Variants in ADCY1 observed in about 807,000 individuals in gnomAD.
ADCY1 encodes the protein adenylate cyclase type 1.
ADCY1 carries 28 observed loss-of-function variants against 105.4 expected under a neutral mutation model. The observed-to-expected ratio is 0.27, with a 90% CI of 0.20 to 0.36. The LOEUF is 0.36. Among genes scored for constraint, ADCY1 ranks in the 10% least tolerant of loss-of-function variants. The pLI is 1.00. For missense variants in ADCY1, 977 were observed against 1,434.2 expected (o/e 0.68, Z 5.15); for synonymous variants, 655 against 623.8 (o/e 1.05, Z -0.75).
chr7:45,682,418 G>A (rs1465573750), intron 11 of ADCY1, among the ~76,000 whole-genome samples: 2 of 152,120 alleles, frequency 1.3e-5, no homozygotes, highest in African/African-American at 2.4e-5. Context: ...CATCAGGAGC[G>A]GGCAGAGGAG....
chr7:45,648,909 G>A, intron 5 of ADCY1, 112 bp downstream of exon 5: 1 of 1,292,620 alleles, frequency 7.7e-7, no homozygotes. Context: ...GTCTCGCTTT[G>A]TCCTGATGGG....
rs1483102795 is a variant in ADCY1 at position 45,688,414 on chromosome 7, T to C, written c.2454+1741T>C. On this transcript the variant is annotated intron_variant, in intron 14 of 19. Coordinates refer to ENST00000297323, the MANE Select transcript of ADCY1 (RefSeq NM_021116.4). ...TGAGCCATTTTTGGGGGGATCTCTT[T>C]CTGGGAGGGAGGGTTAGAGTAGGGT... Among the ~76,000 whole-genome samples, 2 of 152,210 alleles carry C rather than the reference T, an allele frequency of 1.3e-5. 1 individual carries two copies. The highest frequency in any genetic ancestry group is 4.8e-5 in the African/African-American group (2 of 41,448).
Position 45,660,801 on chromosome 7 carries a change from C to T in ADCY1, c.1449+618C>T, listed in dbSNP as rs562544741. On this transcript the variant is annotated intron_variant, in intron 7 of 19. Coordinates refer to ENST00000297323, the MANE Select transcript of ADCY1 (RefSeq NM_021116.4). ...AGGGCTCAGGTGAGGGTGCAGGGCT[C>T]AGGTGAGGGATTCAGGGCTCAGGTG... 2.2e-4 allele frequency among the ~76,000 whole-genome samples: 29 copies of T among 134,196 alleles called. 1 individual carries two copies. Among genetic ancestry groups the T allele is most frequent in the Admixed American group, 2.0e-3 (27 of 13,376 alleles). The allele number at this position is 134,196 out of a possible 152,430, so 88.0% of individuals were successfully genotyped here.
intron 8 of ADCY1, among the ~76,000 whole-genome samples, chr7:45,663,630 C>T (rs1485269504): frequency 1.3e-5 from 2 of 152,124 alleles, no homozygotes; most frequent in Admixed American, 1.3e-4. Flanking sequence ...ACCAGCCTGA[C>T]CAACATGATG....
At chr7:45,681,260 G>C (rs1391634121) in intron 11 of ADCY1, among the ~76,000 whole-genome samples, 1 of 152,176 alleles carries the variant, frequency 6.6e-6, no homozygotes, top group East Asian at 1.9e-4. Flanking sequence ...TCATGGCTGG[G>C]AACTTTGGCC....
intron 1 of ADCY1, among the ~76,000 whole-genome samples, chr7:45,589,278 C>G (rs1792831166): frequency 6.6e-6 from 1 of 152,162 alleles, no homozygotes; most frequent in Non-Finnish European, 1.5e-5. Context: ...GCATGTGGCT[C>G]TGGGCCACCT....
intron 11 of ADCY1, among the ~76,000 whole-genome samples, chr7:45,681,095 T>C (rs763588512): frequency 6.6e-6 from 1 of 152,164 alleles, no homozygotes; most frequent in Non-Finnish European, 1.5e-5. Flanking sequence ...GATGTGCTCA[T>C]GAAACCAGGA....
intron 3 of ADCY1, among the ~76,000 whole-genome samples, chr7:45,620,879 T>C (rs1299280940): frequency 3.3e-5 from 5 of 152,170 alleles, no homozygotes; most frequent in Admixed American, 6.5e-5. Flanking sequence ...CTTCTCCCAG[T>C]GTCTGTGTGC....
chr7:45,666,731 T>G (rs1458654043), intron 8 of ADCY1, among the ~76,000 whole-genome samples: 2 of 152,238 alleles, frequency 1.3e-5, no homozygotes, highest in African/African-American at 4.8e-5. Context: ...TGAACCAGTT[T>G]ACAGTCCCAC....
At chr7:45,652,875 G>A (rs987439566) in intron 5 of ADCY1, among the ~76,000 whole-genome samples, 1 of 152,200 alleles carries the variant, frequency 6.6e-6, no homozygotes, top group African/African-American at 2.4e-5. Flanking sequence ...GGGAGCCACA[G>A]CATCCAAAGG....
chr7:45,650,267 A>G (rs1210953337), intron 5 of ADCY1, among the ~76,000 whole-genome samples: 1 of 152,158 alleles, frequency 6.6e-6, no homozygotes, highest in Non-Finnish European at 1.5e-5. Context: ...TATATATCAC[A>G]CGTCATATAA....
chr7:45,626,118 A>G (rs1450991139), intron 4 of ADCY1, among the ~76,000 whole-genome samples: 1 of 152,178 alleles, frequency 6.6e-6, no homozygotes, highest in Non-Finnish European at 1.5e-5. Flanking sequence ...TAAATATTTC[A>G]GGCTCTGTGG....
chr7:45,609,879 A>G (rs1793484918), intron 2 of ADCY1, among the ~76,000 whole-genome samples: 1 of 152,216 alleles, frequency 6.6e-6, no homozygotes, highest in African/African-American at 2.4e-5. Context: ...TGCTTGACCT[A>G]CACAGCTAAG....
intron 5 of ADCY1, among the ~76,000 whole-genome samples, chr7:45,651,467 C>T (rs1388362019): frequency 1.3e-5 from 2 of 152,166 alleles, no homozygotes; most frequent in Non-Finnish European, 2.9e-5. Context: ...CTTTCTCTTC[C>T]TCCTACCTTG....
At chr7:45,638,991 G>A (rs1794468712) in intron 4 of ADCY1, among the ~76,000 whole-genome samples, 1 of 151,892 alleles carries the variant, frequency 6.6e-6, no homozygotes. Flanking sequence ...AGGACCACAT[G>A]GGATGTGTGT....
intron 8 of ADCY1, among the ~76,000 whole-genome samples, chr7:45,676,967 A>C (rs1784467923): frequency 6.6e-6 from 1 of 151,062 alleles, no homozygotes; most frequent in Admixed American, 6.6e-5. Flanking sequence ...GGGCTTTAAA[A>C]AAGTTGATCT....
rs187900939 is a variant in ADCY1 at position 45,649,290 on chromosome 7, C to T, written c.1148+493C>T. On this transcript the variant is annotated intron_variant, in intron 5 of 19. Coordinates refer to ENST00000297323, the MANE Select transcript of ADCY1 (RefSeq NM_021116.4). ...TGGAATGAATATTACACCTGTGAGG[C>T]CAGGCCTGCCCATTTCTTGGTCAGT... 1.2e-3 allele frequency among the ~76,000 whole-genome samples: 179 copies of T among 152,262 alleles called. 1 individual carries two copies. Among genetic ancestry groups the T allele is most frequent in the African/African-American group, 4.1e-3 (169 of 41,548 alleles).
Position 45,721,063 on chromosome 7 carries a change from A to G in ADCY1, c.*7068A>G, listed in dbSNP as rs1462890485. 1.3e-5 allele frequency: 2 copies of G among 152,084 alleles called. No homozygotes were observed. The highest frequency in any genetic ancestry group is 2.9e-5 in the Non-Finnish European group (2 of 68,042). 9.4% of individuals were successfully genotyped at this position (152,084 alleles called of 1,614,324 possible). A position where few individuals can be genotyped will look rare whatever the true frequency, so the allele number is the denominator to read the frequency against. The stretch of plus-strand genomic sequence containing the variant: ...CTTTGCTAACAGCAACATCTGCAAG[A>G]TTTGTGTTGGTTTTGATGGAGAACT... On this transcript the variant is annotated 3_prime_UTR_variant, in exon 20 of 20. Coordinates refer to ENST00000297323, the MANE Select transcript of ADCY1 (RefSeq NM_021116.4).
chr7:45,650,239 A>G (rs2116066526), intron 5 of ADCY1, among the ~76,000 whole-genome samples: 1 of 152,278 alleles, frequency 6.6e-6, no homozygotes, highest in South Asian at 2.1e-4. Context: ...ATAATCTACC[A>G]TATAACATAT....
Sources: gnomAD v4.1 joint callset for allele counts (sites outside exome capture counted in the v4.1 genomes callset) on GRCh38, gnomAD v4.1.1 for gene constraint, MANE v1.5 for transcripts, NCBI Gene and HGNC (gene_info 2026-07-23, HGNC 2026-07-21) for gene names.